Variants in CYREN observed in about 807,000 individuals in gnomAD.
CYREN encodes cell cycle regulator of NHEJ.
CYREN carries 7 observed loss-of-function variants against 9.7 expected under a neutral mutation model. That is an observed-to-expected ratio of 0.72 (90% CI 0.41 to 1.36). The LOEUF (loss-of-function observed/expected upper bound fraction) is 1.36. CYREN is among the 40% of genes most tolerant of loss of function. The pLI is 0.01. For missense variants in CYREN, 215 were observed against 198.1 expected (o/e 1.09, Z -0.51); for synonymous variants, 76 against 77.9 (o/e 0.98, Z 0.13).
intron 2 of CYREN, among the ~76,000 whole-genome samples, chr7:135,124,654 C>T (rs1267221563): frequency 6.6e-6 from 1 of 152,202 alleles, no homozygotes; most frequent in African/African-American, 2.4e-5. Flanking sequence ...GGAAGTAAAA[C>T]AGTCCTCAAC....
intron 2 of CYREN, among the ~76,000 whole-genome samples, chr7:135,094,995 C>A (rs961058661): frequency 6.6e-6 from 1 of 152,128 alleles, no homozygotes; most frequent in African/African-American, 2.4e-5. Flanking sequence ...TCATAGTTCC[C>A]TTGTTGGTCT....
intron 2 of CYREN, among the ~76,000 whole-genome samples, chr7:135,103,964 T>C (rs1178182478): frequency 1.3e-5 from 2 of 152,148 alleles, no homozygotes; most frequent in South Asian, 4.1e-4. Flanking sequence ...AGGTACCCCA[T>C]ATAGGTAAAC....
At chr7:135,167,001 A>G (rs1830201220) in intron 3 of CYREN, 130 bp from the exon 4 acceptor site, 6 of 1,490,764 alleles carry the variant, frequency 4.0e-6, no homozygotes, top group African/African-American at 1.4e-5. Flanking sequence ...CAATGTACCC[A>G]TATCCTGAGC....
intron 2 of CYREN, among the ~76,000 whole-genome samples, chr7:135,131,396 C>G (rs930760980): frequency 4.0e-5 from 6 of 151,130 alleles, no homozygotes; most frequent in Admixed American, 1.3e-4. Flanking sequence ...ACCTATGTAA[C>G]AAACCTGCAC....
intron 2 of CYREN, among the ~76,000 whole-genome samples, chr7:135,122,647 T>C (rs913086712): frequency 3.3e-5 from 5 of 152,150 alleles, no homozygotes; most frequent in African/African-American, 1.2e-4. Flanking sequence ...ATCAGGCTGG[T>C]ACCCCTTGAG....
intron 2 of CYREN, chr7:135,128,313 A>AAAAC (rs1828222642): frequency 2.0e-5 from 5 of 245,400 alleles, no homozygotes; most frequent in African/African-American, 1.2e-4. Context: ...AAAAAAAAAA[A>AAAAC]AAAAAACGAA....
chr7:135,103,087 C>T (rs1824101281), intron 2 of CYREN, among the ~76,000 whole-genome samples: 1 of 152,174 alleles, frequency 6.6e-6, no homozygotes, highest in Non-Finnish European at 1.5e-5. Flanking sequence ...AATACTCCGG[C>T]AGAATCCACT....
intron 2 of CYREN, among the ~76,000 whole-genome samples, chr7:135,118,786 T>TA (rs775323518): frequency 2.6e-5 from 4 of 151,206 alleles, no homozygotes; most frequent in Non-Finnish European, 4.4e-5. Context: ...TTGGAAGAAA[T>TA]AAAAAAATAG....
chr7:135,136,746 T>A (rs1829353800), intron 2 of CYREN, among the ~76,000 whole-genome samples: 1 of 152,090 alleles, frequency 6.6e-6, no homozygotes, highest in Non-Finnish European at 1.5e-5. Context: ...GTCATTTGAA[T>A]CTTCGACTGC....
chr7:135,121,429 C>T (rs1346672780), intron 2 of CYREN, among the ~76,000 whole-genome samples: 1 of 151,644 alleles, frequency 6.6e-6, no homozygotes, highest in Non-Finnish European at 1.5e-5. Flanking sequence ...GATCATATAC[C>T]AAGATAGAAC....
At chr7:135,116,467 G>C (rs1826325511) in intron 2 of CYREN, among the ~76,000 whole-genome samples, 1 of 152,180 alleles carries the variant, frequency 6.6e-6, no homozygotes, top group Admixed American at 6.5e-5. Flanking sequence ...TTGCTACTGT[G>C]CAGTAGTAAA....
chr7:135,118,251 A>G (rs1394347873), intron 2 of CYREN, among the ~76,000 whole-genome samples: 1 of 152,198 alleles, frequency 6.6e-6, no homozygotes, highest in Non-Finnish European at 1.5e-5. Context: ...CTGTACCTTC[A>G]TGCTCAGGCC....
intron 2 of CYREN, chr7:135,153,134 T>C (rs7792881): frequency 0.96 from 145,515 of 152,266 alleles, 69,844 homozygotes; most frequent in East Asian, 1. Context: ...AATGAGATAC[T>C]ATCTTACACC....
downstream of CYREN, chr7:135,165,031 A>C: frequency 6.5e-7 from 1 of 1,535,290 alleles, no homozygotes; most frequent in Non-Finnish European, 8.8e-7. Context: ...TTCAGTTCCA[A>C]CCATGGTCAG....
chr7:135,123,152 A>C (rs1170324829), intron 2 of CYREN, among the ~76,000 whole-genome samples: 1 of 152,190 alleles, frequency 6.6e-6, no homozygotes, highest in African/African-American at 2.4e-5. Context: ...ACGTTGATAA[A>C]AGGTTAGAGT....
At chr7:135,132,668 C>G (rs1343500814) in intron 2 of CYREN, among the ~76,000 whole-genome samples, 3 of 152,124 alleles carry the variant, frequency 2.0e-5, no homozygotes, top group Admixed American at 6.6e-5. Flanking sequence ...TCTCGTGGTA[C>G]TGAACAAGTC....
At chr7:135,117,422 T>G (rs1826477299) in intron 2 of CYREN, among the ~76,000 whole-genome samples, 1 of 152,238 alleles carries the variant, frequency 6.6e-6, no homozygotes. Flanking sequence ...ATGATAATTC[T>G]GCAAACTCTT....
intron 2 of CYREN, among the ~76,000 whole-genome samples, chr7:135,124,625 T>TA (rs1409141350): frequency 6.6e-6 from 1 of 152,210 alleles, no homozygotes; most frequent in Non-Finnish European, 1.5e-5. Flanking sequence ...GCACTTATTC[T>TA]AAAACTGACC....
In CYREN at chr7:135,151,531, C is replaced by T. The variant is rs1455487493; in HGVS notation, n.356+17218G>A. Reference sequence around the variant, plus strand: ...TGCTAACATTTTCTTCCCAGTTCTCCTCTCTCCATTCAGGCGACACACCCA... The same window carrying T: ...TGCTAACATTTTCTTCCCAGTTCTCTTCTCTCCATTCAGGCGACACACCCA... On this transcript the variant is annotated intron_variant and non_coding_transcript_variant, in intron 2 of 2. Coordinates refer to the CYREN transcript ENST00000459937. The surrounding 1 kb of genome is among the most constrained non-coding windows in gnomAD (Gnocchi z 4.3). Among the ~76,000 whole-genome samples, 1 of 152,168 alleles carries T rather than the reference C, an allele frequency of 6.6e-6. No homozygotes were observed.
Sources: gnomAD v4.1 joint callset for allele counts (sites outside exome capture counted in the v4.1 genomes callset) on GRCh38, gnomAD v4.1.1 for gene constraint, Gnocchi (gnomAD v3.1) non-coding constraint, MANE v1.5 for transcripts, NCBI Gene and HGNC (gene_info 2026-07-23, HGNC 2026-07-21) for gene names.